Variants in AP2A2 observed in about 807,000 individuals in gnomAD.
The protein encoded by AP2A2 is adaptor related protein complex 2 subunit alpha 2, also known as AP-2 complex subunit alpha-2.
AP2A2 carries 32 observed loss-of-function variants against 104.2 expected under a neutral mutation model. The observed-to-expected ratio is 0.31, with a 90% confidence interval of 0.23 to 0.41. The LOEUF is 0.41. Among genes scored for constraint, AP2A2 ranks in the 10% least tolerant of loss-of-function variants. AP2A2 has a pLI of 1.00. For synonymous variants in AP2A2, 539 were observed against 533.3 expected (o/e 1.01, Z -0.15); for missense variants, 912 against 1,261.0 (o/e 0.72, Z 4.19).
At chr11:934,374 A>T (rs1336885370) in intron 1 of AP2A2, among the ~76,000 whole-genome samples, 1 of 152,112 alleles carries the variant, frequency 6.6e-6, no homozygotes, top group Non-Finnish European at 1.5e-5. Flanking sequence ...ATCCTCCCCC[A>T]TCAGCCTCCC....
chr11:978,247 T>C (rs921466201), intron 5 of AP2A2, among the ~76,000 whole-genome samples: 1 of 152,166 alleles, frequency 6.6e-6, no homozygotes. Flanking sequence ...GGACCGGGGC[T>C]GCCTGCTTTC....
At chr11:964,014 G>A (rs1030012228) in intron 2 of AP2A2, among the ~76,000 whole-genome samples, 43 of 152,360 alleles carry the variant, frequency 2.8e-4, no homozygotes, top group African/African-American at 1.0e-3. Flanking sequence ...AGAGGCGTCA[G>A]CCAGGATGTC....
chr11:970,326 A>G lies in AP2A2; in HGVS notation c.279+15A>G. On this transcript the variant is annotated intron_variant, in intron 3 of 21. Transcript: ENST00000448903. ...AAAAGCAGATCGTGAGTATCGCTGC[A>G]GGTGGAGACGGCAGAGGATGGCGTG... 6.2e-7 allele frequency: 1 copy of G among 1,612,214 alleles called. No homozygotes were observed. The highest frequency in any genetic ancestry group is 1.7e-5 in the Admixed American group (1 of 59,960).
At position 1,001,875 on chromosome 11, in the gene AP2A2, C is replaced by T. The variant is rs577493910; in HGVS notation, c.2123+1277C>T. ...GCGCTGTCTGCAGCTGGCCAGGCCT[C>T]GGGGCTCTTGTGCATGCGGCCGTCT... On this transcript the variant is annotated intron_variant, in intron 15 of 21. Coordinates refer to ENST00000448903, the MANE Select transcript of AP2A2 (RefSeq NM_012305.4). Among the ~76,000 whole-genome samples, 20 of 152,260 alleles carry T rather than the reference C, an allele frequency of 1.3e-4. No individual in the cohort carries two copies. The East Asian group carries it at 2.9e-3, about 22-fold the overall frequency.
Position 1,011,715 on chromosome 11 carries a change from C to A in AP2A2, c.*1090C>A. On this transcript the variant is annotated 3_prime_UTR_variant, in exon 22 of 22. Transcript: ENST00000448903. The stretch of plus-strand genomic sequence containing the variant: ...TAAACACACCCAGCACAGGTTCTGG[C>A]TTCCTGACATGCTGTGGAGGCAGGG... 1 of 334,592 alleles carries A rather than the reference C, an allele frequency of 3.0e-6. No homozygotes were observed. Among genetic ancestry groups the A allele is most frequent in the Non-Finnish European group, 6.0e-6 (1 of 167,700 alleles). 20.7% of individuals were successfully genotyped at this position (334,592 alleles called of 1,614,324 possible).
rs1384885239 is a variant in AP2A2 at position 956,175 on chromosome 11, AT to A, written c.68-3256del. The stretch of plus-strand genomic sequence containing the variant: ...AATACCGTAGTGAGAACTTGTCTCT[AT>A]TTTTTCTTTTTTCTTTTTTTTTCTT... On this transcript the variant is annotated intron_variant, in intron 1 of 21. Coordinates refer to ENST00000448903, the MANE Select transcript of AP2A2 (RefSeq NM_012305.4). Among the ~76,000 whole-genome samples, 6 of 151,916 alleles carry A rather than the reference AT, an allele frequency of 3.9e-5. No individual in the cohort carries two copies. In the East Asian group the frequency reaches 9.7e-4, roughly 24 times the overall value.
intron 10 of AP2A2, among the ~76,000 whole-genome samples, chr11:990,664 A>G (rs1468121536): frequency 3.1e-5 from 4 of 128,538 alleles, no homozygotes; most frequent in African/African-American, 8.9e-5. Flanking sequence ...GCCGGACATG[A>G]TGCTCCCCTC....
intron 1 of AP2A2, among the ~76,000 whole-genome samples, chr11:951,418 T>G (rs964851444): frequency 6.6e-6 from 1 of 151,974 alleles, no homozygotes; most frequent in African/African-American, 2.4e-5. Context: ...TTCCAGCTAC[T>G]TGGGAGGCTG....
intron 1 of AP2A2, among the ~76,000 whole-genome samples, chr11:957,862 T>C (rs1589965436): frequency 6.6e-6 from 1 of 152,234 alleles, no homozygotes; most frequent in Non-Finnish European, 1.5e-5. Context: ...AGACTGTGTC[T>C]TCCGTGAGGG....
At chr11:978,454 G>A (rs1047021933) in intron 5 of AP2A2, among the ~76,000 whole-genome samples, 3 of 152,208 alleles carry the variant, frequency 2.0e-5, no homozygotes, top group East Asian at 1.9e-4. Context: ...ATTCTGTGAC[G>A]CCAGCTACTT....
Position 1,010,604 on chromosome 11 carries a change from A to C in AP2A2, c.2799A>C (p.Glu933Asp), listed in dbSNP as rs1197557336. 1 of 1,597,518 alleles carries C rather than the reference A, an allele frequency of 6.3e-7. No homozygotes were observed. Among genetic ancestry groups the C allele is most frequent in the Non-Finnish European group, 8.5e-7 (1 of 1,172,248 alleles). The change falls in exon 22 of 22, where the codon GAA becomes GAC. Residue 933 changes from glutamate to aspartate, a missense_variant. Physicochemically the swap from Glu to Asp is conservative, Grantham distance 45. Around this residue, in one of 7 missense-constraint regions of AP2A2, gnomAD observed 239 missense variants for 329.8 expected, o/e 0.72. Coordinates refer to ENST00000448903, the MANE Select transcript of AP2A2 (RefSeq NM_012305.4). ...AAGCCGTTTCTCAGAGATTATGTGA[A>C]TTGCTCTCAGCGCAGTTTTAGTCCT... is the stretch of plus-strand genomic sequence containing the variant. ...SKEAVSQRLC[E>D]LLSAQF
intron 7 of AP2A2, 52 bp downstream of exon 7, chr11:984,805 C>G: frequency 1.4e-6 from 2 of 1,397,770 alleles, no homozygotes; most frequent in South Asian, 1.2e-5. Context: ...GTCTGATTCC[C>G]TGTCTCAGAT....
At chr11:1,008,708 AAGAC>A (rs1856297556) in intron 18 of AP2A2, 1 of 250,596 alleles carries the variant, frequency 4.0e-6, no homozygotes, top group African/African-American at 2.2e-5. Flanking sequence ...TAACATTAAA[AAGAC>A]AGAGAACTTA....
At chr11:965,317 G>T (rs535120836) in intron 2 of AP2A2, among the ~76,000 whole-genome samples, 8 of 152,324 alleles carry the variant, frequency 5.3e-5, no homozygotes, top group South Asian at 2.1e-4. Context: ...CGGGAGATGT[G>T]TAGGTAACGC....
rs1355704489 is a variant in AP2A2, at chr11:1,011,120, C to T, written c.*495C>T. On this transcript the variant is annotated 3_prime_UTR_variant, in exon 22 of 22. Coordinates refer to ENST00000448903, the MANE Select transcript of AP2A2 (RefSeq NM_012305.4). The stretch of plus-strand genomic sequence containing the variant: ...AGCACAGCTGACCCTGGTTTTGCTG[C>T]AGTCCCAGCTGGACTGTTTTCCCAG... 2 of 576,942 alleles carry T rather than the reference C, an allele frequency of 3.5e-6. No individual in the cohort carries two copies. The highest frequency in any genetic ancestry group is 6.7e-6 in the Non-Finnish European group (2 of 298,228). The allele number at this position is 576,942 out of a possible 1,614,324, so 35.7% of individuals were successfully genotyped here.
At chr11:966,258 C>T (rs1854613832) in intron 2 of AP2A2, among the ~76,000 whole-genome samples, 1 of 152,134 alleles carries the variant, frequency 6.6e-6, no homozygotes, top group Non-Finnish European at 1.5e-5. Flanking sequence ...TTTGGGAGGC[C>T]GAGGCAGGCA....
At chr11:975,983 G>A (rs750418917) in intron 4 of AP2A2, among the ~76,000 whole-genome samples, 2 of 152,226 alleles carry the variant, frequency 1.3e-5, no homozygotes, top group Non-Finnish European at 2.9e-5. Flanking sequence ...GGGCGCCCTC[G>A]TGTGTCGGCA....
At chr11:1,007,768 A>G (rs1856259025) in intron 17 of AP2A2, 4 of 595,696 alleles carry the variant, frequency 6.7e-6, no homozygotes, top group South Asian at 2.0e-5. Flanking sequence ...GACAAGTAGT[A>G]TATAATCTAA....
At chr11:988,887 C>A in intron 10 of AP2A2, 198 bp downstream of exon 10, 1 of 694,822 alleles carries the variant, frequency 1.4e-6, no homozygotes, top group Non-Finnish European at 2.4e-6. Context: ...CCCCGCTACT[C>A]CTGAGGTGGA....
Sources: gnomAD v4.1 joint callset for allele counts (sites outside exome capture counted in the v4.1 genomes callset) on GRCh38, gnomAD v4.1.1 for gene constraint, gnomAD v4.1.1 regional missense constraint, MANE v1.5 for transcripts, NCBI Gene and HGNC (gene_info 2026-07-23, HGNC 2026-07-21) for gene names.